SVEP1: variants seen among roughly 807,000 people sequenced by gnomAD.
The protein encoded by SVEP1 is sushi, von Willebrand factor type A, EGF and pentraxin domain containing 1.
A neutral mutation model predicts 367.3 loss-of-function variants in SVEP1; 164 were observed. The ratio of observed to expected loss-of-function variants is 0.45; its 90% confidence interval spans 0.39 to 0.51. The LOEUF (loss-of-function observed/expected upper bound fraction) is 0.51, where lower values mean the gene tolerates loss of function less well. Ranked by LOEUF, SVEP1 falls within the 20% of genes least tolerant of loss-of-function variation. The pLI, the probability that SVEP1 is intolerant of heterozygous loss-of-function variation, is 0.00. For missense variants in SVEP1, 4,117 were observed against 4,425.3 expected (o/e 0.93, Z 1.98); for synonymous variants, 1,666 against 1,611.6 (o/e 1.03, Z -0.81).
At chr9:110,423,410 A>G (rs2118532949) in intron 36 of SVEP1, among the ~76,000 whole-genome samples, 1 of 152,208 alleles carries the variant, frequency 6.6e-6, no homozygotes, top group African/African-American at 2.4e-5. Context: ...ATGTAAATAA[A>G]TATACATAAG....
chr9:110,444,147 T>C (rs1193736064), intron 26 of SVEP1, among the ~76,000 whole-genome samples: 1 of 152,228 alleles, frequency 6.6e-6, no homozygotes, highest in Non-Finnish European at 1.5e-5. Flanking sequence ...CATAGATACT[T>C]CATCAAACAA....
At chr9:110,369,746 A>G (rs1827249627) in intron 47 of SVEP1, 177 bp downstream of exon 47, 1 of 593,502 alleles carries the variant, frequency 1.7e-6, no homozygotes, top group Non-Finnish European at 2.9e-6. Flanking sequence ...TCCTGAACTA[A>G]TATTTCTTAG....
At chr9:110,485,459 G>A (rs1432187194) in intron 9 of SVEP1, among the ~76,000 whole-genome samples, 1 of 152,132 alleles carries the variant, frequency 6.6e-6, no homozygotes, top group East Asian at 1.9e-4. Context: ...GGAGCATCAG[G>A]ATAAACAGCT....
chr9:110,404,660 ACATATTGATTGTTG>A (rs1412401639), intron 38 of SVEP1, 108 bp from the exon 39 acceptor site: 1 of 1,014,696 alleles, frequency 9.9e-7, no homozygotes, highest in African/African-American at 1.6e-5. Context: ...ATTTTGTGCA[ACATATTGATTGTTG>A]CACAATCAAT....
chr9:110,540,905 C>T (rs1287982092), intron 3 of SVEP1, among the ~76,000 whole-genome samples: 1 of 152,138 alleles, frequency 6.6e-6, no homozygotes, highest in Non-Finnish European at 1.5e-5. Context: ...GCCTTGGCTA[C>T]AGATTTGAGA....
chr9:110,537,771 C>T (rs1484630956), intron 3 of SVEP1, among the ~76,000 whole-genome samples: 1 of 151,732 alleles, frequency 6.6e-6, no homozygotes, highest in African/African-American at 2.4e-5. Context: ...TTATGAATTA[C>T]CATCTTTTAA....
At chr9:110,431,176 C>T (rs951761394) in intron 32 of SVEP1, among the ~76,000 whole-genome samples, 1 of 152,128 alleles carries the variant, frequency 6.6e-6, no homozygotes, top group East Asian at 1.9e-4. Flanking sequence ...GCTTATTAAA[C>T]TGTTTTCCAT....
chr9:110,391,856 C>G (rs191030751), intron 40 of SVEP1, among the ~76,000 whole-genome samples: 1 of 152,052 alleles, frequency 6.6e-6, no homozygotes, highest in East Asian at 1.9e-4. Context: ...GTAGATTGCC[C>G]TCGCCAATGT....
At chr9:110,400,450 T>C (rs1388012392) in intron 40 of SVEP1, among the ~76,000 whole-genome samples, 1 of 152,034 alleles carries the variant, frequency 6.6e-6, no homozygotes, top group Admixed American at 6.6e-5. Flanking sequence ...CACTGAAACC[T>C]ATGCCTCACG....
intron 5 of SVEP1, 159 bp downstream of exon 5, chr9:110,512,767 G>T: frequency 2.3e-6 from 2 of 853,806 alleles, no homozygotes; most frequent in Non-Finnish European, 1.9e-6. Context: ...AATTGAACTT[G>T]GTAATTCTGA....
chr9:110,435,211 G>A (rs1828414952), intron 29 of SVEP1, 30 bp downstream of exon 29: 15 of 1,608,982 alleles, frequency 9.3e-6, no homozygotes, highest in Non-Finnish European at 1.3e-5. Context: ...TCAAGAGATA[G>A]TGGAGTCTAT....
intron 46 of SVEP1, 68 bp from the exon 47 acceptor site, chr9:110,370,084 C>A: frequency 7.1e-7 from 1 of 1,408,488 alleles, no homozygotes; most frequent in Middle Eastern, 1.8e-4. Flanking sequence ...CATAAAGGCA[C>A]GTAGGATAAG....
At chr9:110,561,577 T>C (rs1830428181) in intron 1 of SVEP1, among the ~76,000 whole-genome samples, 2 of 152,334 alleles carry the variant, frequency 1.3e-5, no homozygotes, top group Non-Finnish European at 1.5e-5. Context: ...CCTGCAATCA[T>C]GAAATGAAAA....
chr9:110,539,939 C>T (rs1056903569), intron 3 of SVEP1, among the ~76,000 whole-genome samples: 3 of 151,998 alleles, frequency 2.0e-5, no homozygotes, highest in Non-Finnish European at 2.9e-5. Flanking sequence ...GAGCTCATAT[C>T]CCAGCTCTAT....
At chr9:110,562,330 C>G (rs1830442320) in intron 1 of SVEP1, among the ~76,000 whole-genome samples, 1 of 151,758 alleles carries the variant, frequency 6.6e-6, no homozygotes, top group African/African-American at 2.4e-5. Context: ...GATAAAAAAT[C>G]AAATTTAATT....
intron 1 of SVEP1, among the ~76,000 whole-genome samples, chr9:110,577,282 T>C (rs993715296): frequency 1.2e-4 from 18 of 152,068 alleles, no homozygotes; most frequent in African/African-American, 4.3e-4. Context: ...TTGGCAATGA[T>C]ACAAATGAGA....
At position 110,375,362 on chromosome 9, in the gene SVEP1, G is replaced by T. The variant is rs999795960; in HGVS notation, c.10600+6C>A. 1 of 1,542,498 alleles carries T rather than the reference G, an allele frequency of 6.5e-7. No homozygotes were observed. Among genetic ancestry groups the T allele is most frequent in the African/African-American group, 1.4e-5 (1 of 71,768 alleles). On this transcript the variant is annotated splice_donor_region_variant and intron_variant, in intron 46 of 47. Transcript: ENST00000374469. ...ACCAAGAAAACAAACCATGAAAGAG[G>T]CCTACCTGTATGACAGCGAGACCCC...
At chr9:110,466,777 A>AAAAAAAAAAAAAAAAC (rs1828945007) in intron 17 of SVEP1, among the ~76,000 whole-genome samples, 1 of 146,156 alleles carries the variant, frequency 6.8e-6, no homozygotes, top group Non-Finnish European at 1.5e-5. Flanking sequence ...AAAAAAAAAA[A>AAAAAAAAAAAAAAAAC]AGAACTGGCT....
At chr9:110,510,155 C>A (rs1394218980) in intron 5 of SVEP1, among the ~76,000 whole-genome samples, 1 of 152,226 alleles carries the variant, frequency 6.6e-6, no homozygotes. Flanking sequence ...GCCCCATGTT[C>A]ATTGCAAGGT....
Sources: allele counts gnomAD v4.1 joint callset (sites outside exome capture counted in the v4.1 genomes callset), GRCh38; gene constraint gnomAD v4.1.1; transcripts MANE v1.5; gene names NCBI Gene and HGNC (gene_info 2026-07-23, HGNC 2026-07-21).